The following RPSA2 variants were observed in gnomAD, a reference collection of about 807,000 sequenced individuals.
The protein encoded by RPSA2 is small ribosomal subunit protein uS2B.
the RPSA2 span, among the ~76,000 whole-genome samples, chr19:23,849,559 C>T: frequency 2.0e-5 from 3 of 152,090 alleles, no homozygotes; most frequent in African/African-American, 7.2e-5. Context: ...GTGTTCTGGG[C>T]ACAGAATGGG....
At chr19:23,808,742 C>A in the RPSA2 span, 1 of 795,780 alleles carries the variant, frequency 1.3e-6, no homozygotes, top group Non-Finnish European at 2.0e-6. Flanking sequence ...TAAGCCAGAC[C>A]TGATCACCTA....
the RPSA2 span, among the ~76,000 whole-genome samples, chr19:23,770,034 C>T: frequency 3.9e-5 from 6 of 152,050 alleles, no homozygotes; most frequent in East Asian, 5.8e-4. Flanking sequence ...ATGTGCTCTG[C>T]GAACTGGGGT....
chr19:23,811,129 C>T, the RPSA2 span, among the ~76,000 whole-genome samples: 63,907 of 151,464 alleles, frequency 0.42, 14,345 homozygotes, highest in Non-Finnish European at 0.52. Context: ...AGTGATTCTC[C>T]TGCCTCAGCC....
chr19:23,811,401 T>C, the RPSA2 span, among the ~76,000 whole-genome samples: 57 of 152,288 alleles, frequency 3.7e-4, no homozygotes, highest in African/African-American at 1.2e-3. Flanking sequence ...CTTTAATGTA[T>C]CATGTAGCTG....
chr19:23,857,048 T>C, the RPSA2 span, among the ~76,000 whole-genome samples: 1 of 152,180 alleles, frequency 6.6e-6, no homozygotes, highest in Non-Finnish European at 1.5e-5. Context: ...AGGGCTTATC[T>C]CAGTCCTTAT....
the RPSA2 span, among the ~76,000 whole-genome samples, chr19:23,864,650 A>G: frequency 1.3e-5 from 2 of 152,210 alleles, no homozygotes; most frequent in Admixed American, 1.3e-4. Context: ...AGTTCTGAAC[A>G]TACTGATTTT....
chr19:23,805,440 G>A, the RPSA2 span, among the ~76,000 whole-genome samples: 1 of 152,160 alleles, frequency 6.6e-6, no homozygotes, highest in Non-Finnish European at 1.5e-5. Context: ...CAGGATTACA[G>A]GCATGAGCCA....
the RPSA2 span, among the ~76,000 whole-genome samples, chr19:23,852,768 G>A: frequency 3.9e-5 from 6 of 152,172 alleles, no homozygotes; most frequent in Admixed American, 3.3e-4. Context: ...GCCAGATTTT[G>A]GGGGGCTTGC....
At chr19:23,854,295 C>A in the RPSA2 span, among the ~76,000 whole-genome samples, 1 of 152,142 alleles carries the variant, frequency 6.6e-6, no homozygotes, top group Non-Finnish European at 1.5e-5. Context: ...CCCGTGGGGA[C>A]AATTACAGGC....
the RPSA2 span, among the ~76,000 whole-genome samples, chr19:23,866,513 G>GCACCC: frequency 1.4e-5 from 2 of 142,284 alleles, no homozygotes; most frequent in Non-Finnish European, 3.1e-5. Context: ...ACAATGTGGT[G>GCACCC]CCCCCCCCCG....
chr19:23,784,876 A>T, the RPSA2 span, among the ~76,000 whole-genome samples: 2 of 152,198 alleles, frequency 1.3e-5, no homozygotes, highest in Non-Finnish European at 2.9e-5. Context: ...TGCAGAAGAA[A>T]TTTTGGCTCT....
chr19:23,819,905 G>A, the RPSA2 span, among the ~76,000 whole-genome samples: 1 of 152,146 alleles, frequency 6.6e-6, no homozygotes, highest in Non-Finnish European at 1.5e-5. Context: ...TTCAATAACT[G>A]TGTTAGTTCT....
chr19:23,863,950 C>T, the RPSA2 span, among the ~76,000 whole-genome samples: 3 of 152,188 alleles, frequency 2.0e-5, no homozygotes, highest in African/African-American at 7.2e-5. Context: ...CACAGACCAC[C>T]ATGTTCACCA....
chr19:23,864,521 G>A, the RPSA2 span, among the ~76,000 whole-genome samples: 104 of 152,150 alleles, frequency 6.8e-4, no homozygotes, highest in Non-Finnish European at 9.0e-4. Flanking sequence ...AATATTTAAG[G>A]AAGAATACAT....
the RPSA2 span, among the ~76,000 whole-genome samples, chr19:23,817,135 A>G: frequency 3.9e-5 from 6 of 152,324 alleles, no homozygotes; most frequent in South Asian, 1.2e-3. Context: ...TAATCCCAAC[A>G]CTTTGGGAGG....
At chr19:23,786,907 A>G in the RPSA2 span, among the ~76,000 whole-genome samples, 3 of 152,008 alleles carry the variant, frequency 2.0e-5, no homozygotes, top group African/African-American at 4.8e-5. Context: ...TGTGACTCTC[A>G]TCTTCTGCTT....
At chr19:23,785,996 T>G in the RPSA2 span, among the ~76,000 whole-genome samples, 11 of 152,326 alleles carry the variant, frequency 7.2e-5, no homozygotes, top group East Asian at 2.1e-3. Context: ...CCACCAATTG[T>G]TAGAATTGTC....
At chr19:23,856,020 G>A in the RPSA2 span, among the ~76,000 whole-genome samples, 2 of 152,116 alleles carry the variant, frequency 1.3e-5, no homozygotes, top group Non-Finnish European at 2.9e-5. Flanking sequence ...GTGACATTAA[G>A]CCAAAGTCAC....
the RPSA2 span, among the ~76,000 whole-genome samples, chr19:23,860,778 G>A: frequency 6.6e-6 from 1 of 152,144 alleles, no homozygotes; most frequent in East Asian, 1.9e-4. Context: ...AATTGAGCTG[G>A]TAGCATGCAT....
Sources: allele counts gnomAD v4.1 joint callset (sites outside exome capture counted in the v4.1 genomes callset), GRCh38; gene constraint gnomAD v4.1.1; transcripts MANE v1.5; gene names NCBI Gene and HGNC (gene_info 2026-07-23, HGNC 2026-07-21).